GNAO1: variants seen among roughly 807,000 people sequenced by gnomAD.
GNAO1 encodes the protein guanine nucleotide-binding protein G(o) subunit alpha.
For synonymous variants in GNAO1, 164 were observed against 180.7 expected (o/e 0.91, Z 0.74); for missense variants, 166 against 478.7 (o/e 0.35, Z 6.10).
At chr16:56,323,055 C>G (rs1314274330) in intron 3 of GNAO1, among the ~76,000 whole-genome samples, 1 of 152,058 alleles carries the variant, frequency 6.6e-6, no homozygotes, top group African/African-American at 2.4e-5. Flanking sequence ...GTGGGCTTCC[C>G]TAAGGAGGTG....
At chr16:56,228,403 G>A (rs2036554761) in intron 2 of GNAO1, among the ~76,000 whole-genome samples, 1 of 151,728 alleles carries the variant, frequency 6.6e-6, no homozygotes, top group Non-Finnish European at 1.5e-5. Flanking sequence ...GTGTATATAT[G>A]TGAGTGTGTG....
chr16:56,292,371 T>G (rs2037240978), intron 3 of GNAO1, among the ~76,000 whole-genome samples: 1 of 151,702 alleles, frequency 6.6e-6, no homozygotes, highest in African/African-American at 2.4e-5. Context: ...TAAATTTGGA[T>G]TTTTTTTTAA....
chr16:56,233,632 T>C (rs994946000), intron 2 of GNAO1, among the ~76,000 whole-genome samples: 37 of 152,204 alleles, frequency 2.4e-4, no homozygotes, highest in African/African-American at 7.5e-4. Flanking sequence ...GAATCCAAGC[T>C]TGTGGATTTC....
At chr16:56,313,374 T>C (rs577304408) in intron 3 of GNAO1, among the ~76,000 whole-genome samples, 27 of 152,218 alleles carry the variant, frequency 1.8e-4, no homozygotes, top group African/African-American at 6.5e-4. Flanking sequence ...AAAATATATA[T>C]TTATTTGAAA....
chr16:56,191,972 C>T lies in GNAO1; in HGVS notation c.-264C>T. On this transcript the variant is annotated 5_prime_UTR_variant, in exon 1 of 9. Coordinates refer to ENST00000262493, the MANE Select transcript of GNAO1 (RefSeq NM_020988.3). This position sits in a 1 kb window ranked among gnomAD's most constrained non-coding sequence, Gnocchi z 4.7. ...CCCGCGGGCGCCTCCTCCCTTGGCT[C>T]CGGAGCCCCAGACCCCGGCCACCCT... 1 of 523,902 alleles carries T rather than the reference C, an allele frequency of 1.9e-6. No homozygotes were observed. The highest frequency in any genetic ancestry group is 2.6e-5 in the South Asian group (1 of 37,984). The allele number at this position is 523,902 out of a possible 1,614,324, so 32.5% of individuals were successfully genotyped here. A position where few individuals can be genotyped will look rare whatever the true frequency, so the allele number is the denominator to read the frequency against.
intron 6 of GNAO1, chr16:56,344,422 C>T: frequency 9.9e-7 from 1 of 1,006,494 alleles, no homozygotes; most frequent in Non-Finnish European, 1.2e-6. Context: ...GTTCCGTCAA[C>T]AAAAGCCAGG....
chr16:56,294,295 G>A (rs2037261913), intron 3 of GNAO1, among the ~76,000 whole-genome samples: 1 of 150,606 alleles, frequency 6.6e-6, no homozygotes, highest in Non-Finnish European at 1.5e-5. Flanking sequence ...CTCACAGAAT[G>A]TGGGGGCTGC....
intron 6 of GNAO1, chr16:56,346,282 C>T: frequency 1.0e-6 from 1 of 985,346 alleles, no homozygotes; most frequent in Non-Finnish European, 1.2e-6. Flanking sequence ...GATTTGGCTC[C>T]GTCGTGGATG....
chr16:56,312,015 G>T (rs1253435817), intron 3 of GNAO1, among the ~76,000 whole-genome samples: 1 of 152,026 alleles, frequency 6.6e-6, no homozygotes, highest in Non-Finnish European at 1.5e-5. Context: ...CAGCTGGAGA[G>T]GTCCCAGGGG....
At chr16:56,335,699 C>T (rs1195883694) in intron 5 of GNAO1, among the ~76,000 whole-genome samples, 2 of 152,182 alleles carry the variant, frequency 1.3e-5, no homozygotes, top group African/African-American at 4.8e-5. Context: ...TCTTGCCTTC[C>T]CAGGCTCCTT....
chr16:56,320,786 GC>G (rs1188221040), intron 3 of GNAO1, among the ~76,000 whole-genome samples: 1 of 152,196 alleles, frequency 6.6e-6, no homozygotes, highest in Non-Finnish European at 1.5e-5. Context: ...ACAGCAGAGA[GC>G]CCCCTCCCTT....
chr16:56,301,988 G>C (rs1172086866), intron 3 of GNAO1: 2 of 151,666 alleles, frequency 1.3e-5, no homozygotes, highest in Non-Finnish European at 2.9e-5. Context: ...AAAGTCCTGG[G>C]GCTCTGAACG....
chr16:56,341,560 G>T (rs1362721262), intron 6 of GNAO1, among the ~76,000 whole-genome samples: 2 of 152,218 alleles, frequency 1.3e-5, no homozygotes, highest in Non-Finnish European at 2.9e-5. Context: ...TGCCTTTAGG[G>T]TTATGCCTGT....
rs975251456 is a variant in GNAO1, at chr16:56,311,377, G to T, written c.304-17254G>T. On this transcript the variant is annotated intron_variant, in intron 3 of 8. Coordinates refer to ENST00000262493, the MANE Select transcript of GNAO1 (RefSeq NM_020988.3). The surrounding 1 kb of genome is among the most constrained non-coding windows in gnomAD (Gnocchi z 5.2). ...AGCTGCAGTGCCAACCTCTCACCCA[G>T]TGAGCCCTGTGCAGCTCTTCCCCAG... is the stretch of plus-strand genomic sequence containing the variant. 6.6e-6 allele frequency among the ~76,000 whole-genome samples: 1 copy of T among 152,110 alleles called. No individual in the cohort carries two copies. Among genetic ancestry groups the T allele is most frequent in the Non-Finnish European group, 1.5e-5 (1 of 67,994 alleles).
chr16:56,351,280 T>C lies in GNAO1; in HGVS notation c.724-104T>C. 1 of 746,054 alleles carries C rather than the reference T, an allele frequency of 1.3e-6. No individual in the cohort carries two copies. The highest frequency in any genetic ancestry group is 1.7e-5 in the South Asian group (1 of 57,418). The allele number at this position is 746,054 out of a possible 1,614,324, so 46.2% of individuals were successfully genotyped here. The stretch of plus-strand genomic sequence containing the variant: ...GCAGCCTCTCGGAGGAGCTGCCGAG[T>C]AGCCCAGTCCCTCTCTGTCAAGCCT... On this transcript the variant is annotated intron_variant, in intron 6 of 8. Transcript: ENST00000262493. This position sits in a 1 kb window ranked among gnomAD's most constrained non-coding sequence, Gnocchi z 6.1.
At position 56,273,593 on chromosome 16, in the gene GNAO1, A is replaced by C. The variant is rs569842549; in HGVS notation, c.162-2338A>C. On this transcript the variant is annotated intron_variant, in intron 2 of 8. Coordinates refer to ENST00000262493, the MANE Select transcript of GNAO1 (RefSeq NM_020988.3). The stretch of plus-strand genomic sequence containing the variant: ...TATTTGTGTGATGCTGATACTATGA[A>C]TATTATATTGTTGAATGTCTAGATT... 4.6e-5 allele frequency among the ~76,000 whole-genome samples: 7 copies of C among 152,320 alleles called. No homozygotes were observed. The South Asian group carries it at 1.4e-3, about 32-fold the overall frequency.
At chr16:56,213,727 C>T (rs530009355) in intron 2 of GNAO1, among the ~76,000 whole-genome samples, 8 of 152,194 alleles carry the variant, frequency 5.3e-5, no homozygotes, top group African/African-American at 1.9e-4. Context: ...GCCATGTGCA[C>T]TTGGGGGAAG....
chr16:56,289,041 G>GT (rs1271678749), intron 3 of GNAO1, among the ~76,000 whole-genome samples: 130 of 152,096 alleles, frequency 8.5e-4, no homozygotes, highest in African/African-American at 2.8e-3. Context: ...AAAGGGGGGG[G>GT]GAGCGGAAAA....
chr16:56,301,494 G>T (rs1192280291), intron 3 of GNAO1, among the ~76,000 whole-genome samples: 1 of 152,234 alleles, frequency 6.6e-6, no homozygotes, highest in Non-Finnish European at 1.5e-5. Context: ...AGGGCATGAA[G>T]AGGCTGCAAG....
Sources: allele counts gnomAD v4.1 joint callset (sites outside exome capture counted in the v4.1 genomes callset), GRCh38; gene constraint gnomAD v4.1.1; non-coding constraint Gnocchi (gnomAD v3.1); transcripts MANE v1.5; gene names NCBI Gene and HGNC (gene_info 2026-07-23, HGNC 2026-07-21).